Variants in AGBL4 observed in about 807,000 individuals in gnomAD.
AGBL4 encodes AGBL carboxypeptidase 4, also known as cytosolic carboxypeptidase 6.
AGBL4 carries 58 observed loss-of-function variants against 66.4 expected under a neutral mutation model. The ratio of observed to expected loss-of-function variants is 0.87; its 90% CI spans 0.71 to 1.09. AGBL4 has a LOEUF of 1.09. Ranked by LOEUF, AGBL4 falls within the 50% of genes least tolerant of loss-of-function variation. The probability of loss-of-function intolerance (pLI) is 0.00; values close to 1 mark genes in which losing one functional copy is unlikely to be tolerated. For synonymous variants in AGBL4, 234 were observed against 222.9 expected (o/e 1.05, Z -0.44); for missense variants, 579 against 631.0 (o/e 0.92, Z 0.88).
At chr1:49,431,733 T>C (rs1341216666) in intron 3 of AGBL4, among the ~76,000 whole-genome samples, 1 of 152,150 alleles carries the variant, frequency 6.6e-6, no homozygotes, top group Non-Finnish European at 1.5e-5. Flanking sequence ...CTTCTTTGCA[T>C]TAATTATTTT....
chr1:49,256,717 G>C (rs888493539), intron 3 of AGBL4, among the ~76,000 whole-genome samples: 1 of 152,102 alleles, frequency 6.6e-6, no homozygotes, highest in African/African-American at 2.4e-5. Flanking sequence ...CAGCAACAGA[G>C]TTTTAGATAG....
chr1:48,827,728 C>T (rs566161585), intron 6 of AGBL4, among the ~76,000 whole-genome samples: 1 of 152,298 alleles, frequency 6.6e-6, no homozygotes, highest in South Asian at 2.1e-4. Context: ...TGTACAGAAT[C>T]ATGACAGCTG....
intron 1 of AGBL4, among the ~76,000 whole-genome samples, chr1:49,971,808 T>C (rs1014576260): frequency 6.6e-6 from 1 of 151,200 alleles, no homozygotes; most frequent in Admixed American, 6.6e-5. Context: ...TCCCCTGAAA[T>C]GAATGATGCA....
At chr1:49,328,476 T>C (rs1313008427) in intron 3 of AGBL4, among the ~76,000 whole-genome samples, 1 of 152,214 alleles carries the variant, frequency 6.6e-6, no homozygotes, top group Non-Finnish European at 1.5e-5. Context: ...TAACATGCCA[T>C]ACACTTTTAT....
At chr1:48,598,157 G>A (rs1043864281) in intron 9 of AGBL4, among the ~76,000 whole-genome samples, 1 of 152,222 alleles carries the variant, frequency 6.6e-6, no homozygotes, top group African/African-American at 2.4e-5. Flanking sequence ...AGAATTTGGA[G>A]TTTATCCTAT....
chr1:49,552,624 T>C (rs1487339281), intron 3 of AGBL4, among the ~76,000 whole-genome samples: 1 of 152,234 alleles, frequency 6.6e-6, no homozygotes, highest in Non-Finnish European at 1.5e-5. Context: ...CTCTCCCACC[T>C]TCACAGTTGT....
At chr1:49,096,772 T>C (rs905498742) in intron 4 of AGBL4, among the ~76,000 whole-genome samples, 1 of 151,554 alleles carries the variant, frequency 6.6e-6, no homozygotes, top group African/African-American at 2.4e-5. Flanking sequence ...CACACCAACA[T>C]GGCACATGTA....
chr1:49,676,846 T>C (rs775557465), intron 3 of AGBL4, among the ~76,000 whole-genome samples: 1 of 152,034 alleles, frequency 6.6e-6, no homozygotes, highest in Non-Finnish European at 1.5e-5. Context: ...TAACCATAGA[T>C]AGTGCCTATG....
At chr1:49,981,481 C>G (rs1382364927) in intron 1 of AGBL4, among the ~76,000 whole-genome samples, 1 of 151,896 alleles carries the variant, frequency 6.6e-6, no homozygotes. Context: ...TCAGACTGCT[C>G]CAGATAAGAG....
At chr1:48,907,401 G>C (rs1489847762) in intron 5 of AGBL4, among the ~76,000 whole-genome samples, 2 of 152,210 alleles carry the variant, frequency 1.3e-5, no homozygotes, top group East Asian at 3.8e-4. Flanking sequence ...GAGCACTTCT[G>C]TTCAAGCACT....
At chr1:48,846,992 CA>C (rs1646931457) in intron 6 of AGBL4, among the ~76,000 whole-genome samples, 1 of 150,858 alleles carries the variant, frequency 6.6e-6, no homozygotes, top group African/African-American at 2.5e-5. Flanking sequence ...GAAACAAAAA[CA>C]AAAACAAAAA....
intron 2 of AGBL4, among the ~76,000 whole-genome samples, chr1:49,772,560 G>C (rs1241296463): frequency 6.6e-6 from 1 of 152,142 alleles, no homozygotes; most frequent in Non-Finnish European, 1.5e-5. Flanking sequence ...ATTGATGAGA[G>C]ATACTCAGTT....
At chr1:48,895,094 C>T (rs1441847545) in intron 5 of AGBL4, among the ~76,000 whole-genome samples, 1 of 152,210 alleles carries the variant, frequency 6.6e-6, no homozygotes, top group African/African-American at 2.4e-5. Flanking sequence ...AGGGCATGTT[C>T]CCTCTGTTCT....
intron 5 of AGBL4, among the ~76,000 whole-genome samples, chr1:48,926,160 C>G (rs983554403): frequency 6.6e-5 from 10 of 152,300 alleles, no homozygotes; most frequent in African/African-American, 1.7e-4. Flanking sequence ...CAGAAGAAGA[C>G]AGCAACATCA....
intron 3 of AGBL4, among the ~76,000 whole-genome samples, chr1:49,361,705 A>T (rs1260902585): frequency 6.6e-6 from 1 of 152,122 alleles, no homozygotes; most frequent in Non-Finnish European, 1.5e-5. Context: ...AAACCCTTTA[A>T]CAAAGATATA....
chr1:49,369,894 A>C (rs1464778092), intron 3 of AGBL4, among the ~76,000 whole-genome samples: 1 of 151,742 alleles, frequency 6.6e-6, no homozygotes, highest in Non-Finnish European at 1.5e-5. Flanking sequence ...AGACTTTAAA[A>C]ATTCTCCATA....
chr1:49,292,587 C>T (rs1035342194), intron 3 of AGBL4, among the ~76,000 whole-genome samples: 9 of 152,174 alleles, frequency 5.9e-5, no homozygotes, highest in Admixed American at 2.6e-4. Context: ...TTACCCACTA[C>T]AGGACCTCGT....
At chr1:49,862,000 G>C (rs987528418) in intron 1 of AGBL4, among the ~76,000 whole-genome samples, 7 of 151,974 alleles carry the variant, frequency 4.6e-5, no homozygotes, top group African/African-American at 1.7e-4. Context: ...ACATCTACTA[G>C]CATCAAAACC....
chr1:48,766,244 T>A (rs145780466), intron 6 of AGBL4, among the ~76,000 whole-genome samples: 17 of 152,100 alleles, frequency 1.1e-4, no homozygotes, highest in African/African-American at 3.9e-4. Flanking sequence ...GAAATGAGGC[T>A]CAAAGAAACA....
Sources: allele counts gnomAD v4.1 joint callset (sites outside exome capture counted in the v4.1 genomes callset), GRCh38; gene constraint gnomAD v4.1.1; transcripts MANE v1.5; gene names NCBI Gene and HGNC (gene_info 2026-07-23, HGNC 2026-07-21).